The following STX7 variants were observed in gnomAD, a reference collection of about 807,000 sequenced individuals.
STX7 encodes syntaxin-7.
Under a neutral mutation model 39.6 loss-of-function variants are expected in STX7, and 34 were observed. The observed-to-expected ratio is 0.86, with a 90% CI of 0.65 to 1.14. The LOEUF (loss-of-function observed/expected upper bound fraction) is 1.14, where lower values mean the gene tolerates loss of function less well. Among genes scored for constraint, STX7 ranks in the 50% most tolerant of loss-of-function variants. The probability of loss-of-function intolerance (pLI) is 0.00; values close to 1 mark genes in which losing one functional copy is unlikely to be tolerated. For missense variants in STX7, 284 were observed against 310.4 expected (o/e 0.92, Z 0.64); for synonymous variants, 119 against 99.1 (o/e 1.20, Z -1.19).
chr6:132,456,939 G>A lies in STX7; in HGVS notation c.*3819C>T, dbSNP rs1291542237. The A allele has an allele frequency of 6.6e-6, 1 of 152,288 alleles. No individual in the cohort carries two copies. Among genetic ancestry groups the A allele is most frequent in the Non-Finnish European group, 1.5e-5 (1 of 68,100 alleles). 9.4% of individuals were successfully genotyped at this position (152,288 alleles called of 1,614,324 possible). A position where few individuals can be genotyped will look rare whatever the true frequency, so the allele number is the denominator to read the frequency against. ...GCCACTGCAGACAGAAGTGTAGGCGGGCAGAGGACATGAGTTTCACAGCAG... is the reference window on the plus strand; with the variant it reads ...GCCACTGCAGACAGAAGTGTAGGCGAGCAGAGGACATGAGTTTCACAGCAG... On this transcript the variant is annotated 3_prime_UTR_variant, in exon 10 of 10. Coordinates refer to ENST00000367941, the MANE Select transcript of STX7 (RefSeq NM_003569.3).
At chr6:132,507,577 A>G (rs946015507) in intron 1 of STX7, among the ~76,000 whole-genome samples, 1 of 152,196 alleles carries the variant, frequency 6.6e-6, no homozygotes, top group Non-Finnish European at 1.5e-5. Flanking sequence ...GTTCTTCGAG[A>G]CTAGCTTCTT....
chr6:132,508,804 A>G (rs1775770695), intron 1 of STX7, among the ~76,000 whole-genome samples: 1 of 152,140 alleles, frequency 6.6e-6, no homozygotes, highest in Non-Finnish European at 1.5e-5. Flanking sequence ...GAGCCACTGT[A>G]TCTAGCCAGG....
chr6:132,507,754 C>T (rs1775743489), intron 1 of STX7, among the ~76,000 whole-genome samples: 1 of 152,208 alleles, frequency 6.6e-6, no homozygotes. Flanking sequence ...TCCTTTCCCT[C>T]TATCAAGTAG....
intron 2 of STX7, among the ~76,000 whole-genome samples, chr6:132,497,618 G>A (rs1775449064): frequency 1.3e-5 from 2 of 152,110 alleles, no homozygotes; most frequent in South Asian, 4.1e-4. Context: ...TGATTCTGCT[G>A]CTTTTAAAAA....
chr6:132,468,473 A>C lies in STX7; in HGVS notation c.540T>G (p.Ala180=). ...ATATTTCATTAATATCCATAATATC[A>C]GCCTAAGAGAAAACGCATATATTAT... ...ERESSIRQLE[A]DIMDINEIFK... is the part of the protein sequence containing the mutation. The change falls in exon 8 of 10, where the codon GCT becomes GCG. Residue 180 remains alanine, a splice_region_variant and synonymous_variant. Coordinates refer to ENST00000367941, the MANE Select transcript of STX7 (RefSeq NM_003569.3). 2 of 1,593,712 alleles carry C rather than the reference A, an allele frequency of 1.3e-6. No homozygotes were observed. Among genetic ancestry groups the C allele is most frequent in the Non-Finnish European group, 1.7e-6 (2 of 1,168,496 alleles).
chr6:132,501,003 C>T (rs541355439), intron 2 of STX7, among the ~76,000 whole-genome samples: 1 of 152,086 alleles, frequency 6.6e-6, no homozygotes, highest in African/African-American at 2.4e-5. Context: ...TCACATATGA[C>T]AGTGATTCAA....
chr6:132,469,965 T>G lies in STX7; in HGVS notation c.523A>C (p.Ile175Leu). 6.3e-7 allele frequency: 1 copy of G among 1,598,494 alleles called. No homozygotes were observed. The highest frequency in any genetic ancestry group is 1.8e-5 in the Admixed American group (1 of 57,104). Residue 175 changes from isoleucine (I) to leucine (L), a missense_variant, in exon 7 of 10, where the codon ATC becomes CTC. By Grantham distance (5) the Ile-to-Leu change is conservative. Coordinates refer to ENST00000367941, the MANE Select transcript of STX7 (RefSeq NM_003569.3). ...LRLIHERESS[I>L]RQLEADIMDI... ...GTAAGCCTTACTTCAAGTTGCCTGA[T>G]AGAAGATTCTCTCTCATGAATAAGA...
intron 1 of STX7, among the ~76,000 whole-genome samples, chr6:132,509,150 G>A (rs1775777019): frequency 1.3e-5 from 2 of 152,096 alleles, no homozygotes; most frequent in Admixed American, 1.3e-4. Flanking sequence ...TTGAGGGCAG[G>A]TGAACTCAGT....
At chr6:132,509,004 AT>A (rs1775774087) in intron 1 of STX7, among the ~76,000 whole-genome samples, 1 of 152,186 alleles carries the variant, frequency 6.6e-6, no homozygotes, top group South Asian at 2.1e-4. Flanking sequence ...TGCTAATGTG[AT>A]TTTTTTACAT....
chr6:132,464,046 C>T lies in STX7; in HGVS notation c.640G>A (p.Glu214Lys), dbSNP rs530542469. ...DSIEANVENA[E>K]VHVQQANQQL... is the part of the protein sequence containing the mutation. Reference sequence around the variant, plus strand: ...TGATTTGCTTGCTGAACGTGCACCTCTGCATTTTCCACATTGGCTTCTATG... The same window carrying T: ...TGATTTGCTTGCTGAACGTGCACCTTTGCATTTTCCACATTGGCTTCTATG... Residue 214 changes from glutamate to lysine, a missense_variant, in exon 9 of 10, where the codon GAG becomes AAG. Glu to Lys is a moderately conservative substitution (Grantham distance 56). Coordinates refer to ENST00000367941, the MANE Select transcript of STX7 (RefSeq NM_003569.3). 6.2e-7 allele frequency: 1 copy of T among 1,614,112 alleles called. No individual in the cohort carries two copies. Among genetic ancestry groups the T allele is most frequent in the South Asian group, 1.1e-5 (1 of 91,074 alleles).
In STX7 at chr6:132,462,583, GT is replaced by G. The variant is rs1438218389; in HGVS notation, c.693+1409del. On this transcript the variant is annotated intron_variant, in intron 9 of 9. Coordinates refer to ENST00000367941, the MANE Select transcript of STX7 (RefSeq NM_003569.3). ...CAGAAGACTTCTGGCATTTGCAGGG[GT>G]GTGTGTGTGTGTGTGTGTGTGTGTG... Among the ~76,000 whole-genome samples the G allele has an allele frequency of 7.9e-4, 9 of 11,346 alleles. No homozygotes were observed. The East Asian group carries it at 0.029, about 37-fold the overall frequency. The allele number at this position is 11,346 out of a possible 152,430, so 7.4% of individuals were successfully genotyped here.
At chr6:132,474,084 C>T (rs1045170906) in intron 3 of STX7, among the ~76,000 whole-genome samples, 4 of 151,654 alleles carry the variant, frequency 2.6e-5, no homozygotes, top group African/African-American at 9.7e-5. Flanking sequence ...CAAAAATTAG[C>T]CAGGCATGGT....
At position 132,447,261 on chromosome 6, in the gene STX7, C is replaced by T. The variant is rs780129699; in HGVS notation, c.*13497G>A. On this transcript the variant is annotated 3_prime_UTR_variant, in exon 10 of 10. Transcript: ENST00000367941. ...CTGACATAGAGCGTTTCTTATCAGT[C>T]AACAAAACTATTTCCAGAGAGGCTT... The T allele has an allele frequency of 6.6e-6, 1 of 152,140 alleles. No individual in the cohort carries two copies. Among genetic ancestry groups the T allele is most frequent in the Non-Finnish European group, 1.5e-5 (1 of 68,010 alleles). 9.4% of individuals were successfully genotyped at this position (152,140 alleles called of 1,614,324 possible).
chr6:132,461,833 C>T, intron 9 of STX7: 1 of 1,540,474 alleles, frequency 6.5e-7, no homozygotes, highest in Non-Finnish European at 8.8e-7. Flanking sequence ...GCGTTTGTAC[C>T]TCACATCAAC....
chr6:132,474,723 G>A lies in STX7; in HGVS notation c.155+870C>T, dbSNP rs541485757. ...ATTTCTCTTACTCTAATTCTGTAAG[G>A]TTTAAATGATAAAATATGTAAAAAT... On this transcript the variant is annotated intron_variant, in intron 3 of 9. Coordinates refer to ENST00000367941, the MANE Select transcript of STX7 (RefSeq NM_003569.3). 9.2e-5 allele frequency among the ~76,000 whole-genome samples: 14 copies of A among 152,198 alleles called. No homozygotes were observed. In the South Asian group the frequency reaches 2.5e-3, roughly 27 times the overall value.
Position 132,464,033 on chromosome 6 carries a change from T to C in STX7, c.653A>G (p.Gln218Arg). ...ANVENAEVHVQQANQQLSRAA... is the reference protein window; with the variant it reads ...ANVENAEVHVRQANQQLSRAA... The stretch of plus-strand genomic sequence containing the variant: ...CCTTGACAGCTGCTGATTTGCTTGC[T>C]GAACGTGCACCTCTGCATTTTCCAC... The change falls in exon 9 of 10, where the codon CAG becomes CGG. Residue 218 changes from glutamine (Q) to arginine (R), a missense_variant. Coordinates refer to ENST00000367941, the MANE Select transcript of STX7 (RefSeq NM_003569.3). 1 of 1,614,138 alleles carries C rather than the reference T, an allele frequency of 6.2e-7. No individual in the cohort carries two copies. The highest frequency in any genetic ancestry group is 8.5e-7 in the Non-Finnish European group (1 of 1,180,008).
chr6:132,499,599 CTT>C (rs1775501093), intron 2 of STX7, among the ~76,000 whole-genome samples: 1 of 152,172 alleles, frequency 6.6e-6, no homozygotes, highest in Non-Finnish European at 1.5e-5. Context: ...TTGAAACATT[CTT>C]TAATTTCTAG....
chr6:132,493,097 G>C (rs183134884), intron 2 of STX7, among the ~76,000 whole-genome samples: 2 of 152,224 alleles, frequency 1.3e-5, no homozygotes, highest in Admixed American at 1.3e-4. Flanking sequence ...GGAATAAAAG[G>C]CAAACTATCT....
In STX7 at chr6:132,463,907, A is replaced by G. The variant is rs913540080; in HGVS notation, c.693+86T>C. 4.6e-6 allele frequency: 6 copies of G among 1,291,488 alleles called. No individual in the cohort carries two copies. The South Asian group carries it at 6.0e-5, about 13-fold the overall frequency. The allele number at this position is 1,291,488 out of a possible 1,614,324, so 80.0% of individuals were successfully genotyped here. A position where few individuals can be genotyped will look rare whatever the true frequency, so the allele number is the denominator to read the frequency against. On this transcript the variant is annotated intron_variant, in intron 9 of 9. Transcript: ENST00000367941. Reference sequence around the variant, plus strand: ...TAACATCTTCAGCCATTTTAAACCTAATCTCTCCCTGCTTCCTCAACACAA... The same window carrying G: ...TAACATCTTCAGCCATTTTAAACCTGATCTCTCCCTGCTTCCTCAACACAA...
Sources: allele counts gnomAD v4.1 joint callset (sites outside exome capture counted in the v4.1 genomes callset), GRCh38; gene constraint gnomAD v4.1.1; transcripts MANE v1.5; gene names NCBI Gene and HGNC (gene_info 2026-07-23, HGNC 2026-07-21).